CDC42BPA: variants seen among roughly 807,000 people sequenced by gnomAD.
CDC42BPA encodes the protein serine/threonine-protein kinase MRCK alpha.
Under a neutral mutation model 223.5 loss-of-function variants are expected in CDC42BPA, and 80 were observed. The ratio of observed to expected loss-of-function variants is 0.36; its 90% CI spans 0.30 to 0.43. CDC42BPA has a LOEUF of 0.43. Ranked by LOEUF, CDC42BPA falls within the 20% of genes least tolerant of loss-of-function variation. The pLI is 1.00. For missense variants in CDC42BPA, 1,743 were observed against 2,099.9 expected (o/e 0.83, Z 3.32); for synonymous variants, 694 against 718.6 (o/e 0.97, Z 0.55).
intron 6 of CDC42BPA, among the ~76,000 whole-genome samples, chr1:227,152,087 T>C (rs1158992237): frequency 6.6e-6 from 1 of 152,094 alleles, no homozygotes; most frequent in Non-Finnish European, 1.5e-5. Flanking sequence ...CCTTTGTTCT[T>C]TGTTGCTGAC....
At chr1:227,316,765 T>C (rs1694472208) in intron 1 of CDC42BPA, among the ~76,000 whole-genome samples, 1 of 152,232 alleles carries the variant, frequency 6.6e-6, no homozygotes, top group Non-Finnish European at 1.5e-5. Context: ...AAAACATAAG[T>C]TCTTCATAGC....
At chr1:227,185,153 T>A (rs1007701978) in intron 5 of CDC42BPA, among the ~76,000 whole-genome samples, 14 of 53,262 alleles carry the variant, frequency 2.6e-4, no homozygotes, top group African/African-American at 4.7e-4. Flanking sequence ...TTACAAGAAA[T>A]TTTTTTTTTT....
intron 4 of CDC42BPA, among the ~76,000 whole-genome samples, chr1:227,198,458 G>GAAAAAGA (rs11415356): frequency 1.1e-5 from 1 of 93,846 alleles, no homozygotes; most frequent in African/African-American, 3.9e-5. Context: ...AAAAAGAAAA[G>GAAAAAGA]AAAGAAAGAA....
chr1:227,126,508 GAAGGA>G (rs1558556125), intron 11 of CDC42BPA, among the ~76,000 whole-genome samples: 1 of 113,716 alleles, frequency 8.8e-6, no homozygotes, highest in African/African-American at 3.2e-5. Flanking sequence ...AGGAAGGAAG[GAAGGA>G]AGGAAGGTAA....
At position 227,264,994 on chromosome 1, in the gene CDC42BPA, T is replaced by G. The variant is rs540139496; in HGVS notation, c.179-10839A>C. On this transcript the variant is annotated intron_variant, in intron 1 of 36. Transcript: ENST00000366766. ...CATTTGGGCAGTGCTGCTACCTTTT[T>G]CTTACATTCTTTCTGCAATTTCTGT... 3.5e-6 allele frequency: 3 copies of G among 855,002 alleles called. No homozygotes were observed. In the South Asian group the frequency reaches 3.9e-5, roughly 11 times the overall value. 53.0% of individuals were successfully genotyped at this position (855,002 alleles called of 1,614,324 possible).
intron 35 of CDC42BPA, among the ~76,000 whole-genome samples, chr1:227,000,207 T>C (rs1478734301): frequency 6.6e-6 from 1 of 151,992 alleles, no homozygotes; most frequent in Non-Finnish European, 1.5e-5. Context: ...AGGAGACACG[T>C]TTCCCCTAAC....
intron 17 of CDC42BPA, among the ~76,000 whole-genome samples, chr1:227,076,245 ACTAT>A (rs1188402138): frequency 1.3e-5 from 2 of 151,546 alleles, no homozygotes; most frequent in Admixed American, 6.6e-5. Flanking sequence ...CAACCCCACC[ACTAT>A]CTTTCTCTCT....
At chr1:227,124,420 T>C (rs1689179505) in intron 11 of CDC42BPA, among the ~76,000 whole-genome samples, 1 of 147,128 alleles carries the variant, frequency 6.8e-6, no homozygotes, top group South Asian at 2.1e-4. Flanking sequence ...CAGAGGTATA[T>C]ATTATTCAGA....
intron 2 of CDC42BPA, among the ~76,000 whole-genome samples, chr1:227,243,950 G>A (rs766496977): frequency 6.6e-6 from 1 of 151,590 alleles, no homozygotes; most frequent in African/African-American, 2.4e-5. Flanking sequence ...TCAAATGTAG[G>A]CGCTATCAAG....
At position 226,992,645 on chromosome 1, in the gene CDC42BPA, C is replaced by G. The variant is rs905053139; in HGVS notation, c.*1623G>C. The stretch of plus-strand genomic sequence containing the variant: ...TGCAGGAAAACTTTCTTCATTTTCA[C>G]TGAATTTTAAAGAGAGAATCCTGTC... On this transcript the variant is annotated 3_prime_UTR_variant, in exon 37 of 37. Transcript: ENST00000366766. 2 of 152,252 alleles carry G rather than the reference C, an allele frequency of 1.3e-5. No individual in the cohort carries two copies. The highest frequency in any genetic ancestry group is 2.9e-5 in the Non-Finnish European group (2 of 68,046). 9.4% of individuals were successfully genotyped at this position (152,252 alleles called of 1,614,324 possible). A position where few individuals can be genotyped will look rare whatever the true frequency, so the allele number is the denominator to read the frequency against.
At chr1:227,097,107 C>G (rs530052761) in intron 15 of CDC42BPA, among the ~76,000 whole-genome samples, 43 of 152,170 alleles carry the variant, frequency 2.8e-4, no homozygotes, top group Non-Finnish European at 6.0e-4. Flanking sequence ...TTCCTCCTCT[C>G]CTCTCTCCTC....
chr1:227,263,991 A>G (rs1357357872), intron 1 of CDC42BPA, among the ~76,000 whole-genome samples: 1 of 152,214 alleles, frequency 6.6e-6, no homozygotes, highest in Non-Finnish European at 1.5e-5. Context: ...AACTCCAGAT[A>G]TATGTTCCAC....
At chr1:227,290,838 T>C (rs1039578241) in intron 1 of CDC42BPA, among the ~76,000 whole-genome samples, 2 of 152,026 alleles carry the variant, frequency 1.3e-5, no homozygotes, top group African/African-American at 4.8e-5. Context: ...TTACAGGTGG[T>C]GGGGTGGGAA....
In CDC42BPA at chr1:227,145,645, A is replaced by G; in HGVS notation, c.987T>C (p.Leu329=). The change falls in exon 8 of 37, where the codon CTT becomes CTC. Residue 329 remains leucine, a synonymous_variant. Transcript: ENST00000366766. ...RRLICSREHR[L]GQNGIEDFKK... The stretch of plus-strand genomic sequence containing the variant: ...TAAAGTCTTCTATTCCATTTTGACC[A>G]AGTCGATGTTCTCTGCTACAAATGA... The G allele has an allele frequency of 6.2e-7, 1 of 1,613,840 alleles. No individual in the cohort carries two copies. Among genetic ancestry groups the G allele is most frequent in the Non-Finnish European group, 8.5e-7 (1 of 1,179,824 alleles).
At chr1:227,184,442 C>G (rs1050371885) in intron 5 of CDC42BPA, among the ~76,000 whole-genome samples, 2 of 151,336 alleles carry the variant, frequency 1.3e-5, no homozygotes, top group African/African-American at 4.9e-5. Flanking sequence ...ATTATTTTTG[C>G]TTTTGCACCT....
At chr1:227,209,707 C>T (rs1002779982) in intron 3 of CDC42BPA, among the ~76,000 whole-genome samples, 2 of 147,816 alleles carry the variant, frequency 1.4e-5, no homozygotes, top group Non-Finnish European at 3.0e-5. Flanking sequence ...GGGATGAAGC[C>T]CACTTGATCA....
chr1:227,146,864 C>T lies in CDC42BPA; in HGVS notation c.894+495G>A, dbSNP rs185814152. 6.0e-3 allele frequency among the ~76,000 whole-genome samples: 909 copies of T among 152,234 alleles called. 10 individuals carry two copies. The highest frequency in any genetic ancestry group is 0.021 in the African/African-American group (856 of 41,564). On this transcript the variant is annotated intron_variant, in intron 7 of 36. Transcript: ENST00000366766. ...GGTGCACACCTGTAAACTTCCTGAA[C>T]AGAAAGGTTACACCAATTTATATTC... is the stretch of plus-strand genomic sequence containing the variant.
intron 2 of CDC42BPA, among the ~76,000 whole-genome samples, chr1:227,232,000 T>G (rs1678070791): frequency 6.6e-6 from 1 of 152,242 alleles, no homozygotes. Context: ...AGATCCCATT[T>G]GTCAATTTTG....
At chr1:227,043,701 T>C (rs1180446552) in intron 23 of CDC42BPA, among the ~76,000 whole-genome samples, 2 of 152,178 alleles carry the variant, frequency 1.3e-5, no homozygotes, top group African/African-American at 4.8e-5. Context: ...ATAAATTAGA[T>C]AGTCTGAGTA....
Sources: allele counts gnomAD v4.1 joint callset (sites outside exome capture counted in the v4.1 genomes callset), GRCh38; gene constraint gnomAD v4.1.1; transcripts MANE v1.5; gene names NCBI Gene and HGNC (gene_info 2026-07-23, HGNC 2026-07-21).